Variants in SUPT3H observed in about 807,000 individuals in gnomAD.
SUPT3H encodes transcription initiation protein SPT3 homolog.
A neutral mutation model predicts 44.3 loss-of-function variants in SUPT3H; 44 were observed. The ratio of observed to expected loss-of-function variants is 0.99; its 90% CI spans 0.78 to 1.28. The LOEUF (loss-of-function observed/expected upper bound fraction) is 1.28, where lower values mean the gene tolerates loss of function less well. Ranked by LOEUF, SUPT3H falls within the 50% of genes most tolerant of loss-of-function variation. SUPT3H has a pLI of 0.00. For missense variants in SUPT3H, 380 were observed against 387.1 expected (o/e 0.98, Z 0.15); for synonymous variants, 124 against 125.6 (o/e 0.99, Z 0.09).
chr6:45,010,097 A>C (rs920860923), intron 5 of SUPT3H, among the ~76,000 whole-genome samples: 1 of 152,002 alleles, frequency 6.6e-6, no homozygotes, highest in Non-Finnish European at 1.5e-5. Context: ...TTTTGATGCT[A>C]TTGTAAATGG....
chr6:45,170,148 A>C (rs1397683146), intron 2 of SUPT3H, among the ~76,000 whole-genome samples: 1 of 152,204 alleles, frequency 6.6e-6, no homozygotes, highest in Admixed American at 6.5e-5. Flanking sequence ...AGGTAAGAAA[A>C]TTTACCTCTT....
At chr6:45,102,784 T>C (rs979784616) in intron 3 of SUPT3H, among the ~76,000 whole-genome samples, 1 of 151,698 alleles carries the variant, frequency 6.6e-6, no homozygotes, top group African/African-American at 2.4e-5. Flanking sequence ...CTCCTAAAAA[T>C]ACAAAAAATT....
intron 2 of SUPT3H, among the ~76,000 whole-genome samples, chr6:45,169,204 T>C (rs1425884168): frequency 6.6e-6 from 1 of 152,206 alleles, no homozygotes; most frequent in African/African-American, 2.4e-5. Flanking sequence ...CCAAAATTAG[T>C]GGTATAATTT....
intron 10 of SUPT3H, among the ~76,000 whole-genome samples, chr6:44,903,723 C>A (rs564500055): frequency 1.1e-4 from 16 of 152,002 alleles, no homozygotes; most frequent in South Asian, 2.1e-4. Context: ...GCAGAGACAC[C>A]ACCAAAAAAG....
intron 10 of SUPT3H, among the ~76,000 whole-genome samples, chr6:44,925,686 T>G (rs1158900742): frequency 6.6e-6 from 1 of 152,152 alleles, no homozygotes; most frequent in Non-Finnish European, 1.5e-5. Flanking sequence ...ATAAAACATG[T>G]CTGACCACCT....
At chr6:45,115,565 A>T (rs562415676) in intron 2 of SUPT3H, among the ~76,000 whole-genome samples, 1 of 152,252 alleles carries the variant, frequency 6.6e-6, no homozygotes, top group South Asian at 2.1e-4. Flanking sequence ...ATAGCATTGA[A>T]AAAAAATTAG....
In SUPT3H at chr6:44,894,344, T is replaced by C. The variant is rs911125847; in HGVS notation, c.912+38309A>G. 6.6e-5 allele frequency among the ~76,000 whole-genome samples: 10 copies of C among 152,284 alleles called. 1 individual carries two copies. In the South Asian group the frequency reaches 2.1e-3, roughly 32 times the overall value. ...ATGCCTAGGTTTTCTTCTAGGGTTT[T>C]TATGGTTTTAGGTCTCACGTTTAAG... On this transcript the variant is annotated intron_variant, in intron 10 of 10. Transcript: ENST00000371459.
intron 2 of SUPT3H, among the ~76,000 whole-genome samples, chr6:45,240,605 T>C (rs1351798318): frequency 6.6e-6 from 1 of 152,210 alleles, no homozygotes; most frequent in African/African-American, 2.4e-5. Context: ...GCAGAGGTGC[T>C]GCGCAGCGAT....
chr6:44,837,640 C>T (rs3799968), intron 10 of SUPT3H, among the ~76,000 whole-genome samples: 63,143 of 152,064 alleles, frequency 0.42, 13,456 homozygotes, highest in East Asian at 0.68. Context: ...TGGGCTTCTT[C>T]TTACTGATTA....
At chr6:45,355,883 G>T (rs1793068562) in intron 2 of SUPT3H, among the ~76,000 whole-genome samples, 1 of 152,074 alleles carries the variant, frequency 6.6e-6, no homozygotes, top group Non-Finnish European at 1.5e-5. Flanking sequence ...TTAATTGATT[G>T]CCAGGCCAAC....
chr6:45,011,762 T>C (rs1015243736), intron 5 of SUPT3H, among the ~76,000 whole-genome samples: 1 of 152,054 alleles, frequency 6.6e-6, no homozygotes, highest in Non-Finnish European at 1.5e-5. Context: ...ACAACTATAC[T>C]TTCTCTTATA....
chr6:45,331,097 A>G (rs554793256), intron 2 of SUPT3H, among the ~76,000 whole-genome samples: 7 of 143,214 alleles, frequency 4.9e-5, no homozygotes, highest in Non-Finnish European at 9.2e-5. Flanking sequence ...CCTCAAATAC[A>G]ATGAGTGGTG....
chr6:45,316,000 A>G (rs960612458), intron 2 of SUPT3H, among the ~76,000 whole-genome samples: 1 of 152,148 alleles, frequency 6.6e-6, no homozygotes, highest in African/African-American at 2.4e-5. Flanking sequence ...AACCATACAA[A>G]GGAATGAATT....
intron 2 of SUPT3H, among the ~76,000 whole-genome samples, chr6:45,285,994 G>T (rs1427462818): frequency 7.3e-6 from 1 of 136,526 alleles, no homozygotes; most frequent in African/African-American, 2.9e-5. Flanking sequence ...AAGAAATGGG[G>T]AAAGGATTCC....
intron 2 of SUPT3H, among the ~76,000 whole-genome samples, chr6:45,364,738 G>C (rs1794844454): frequency 6.6e-6 from 1 of 152,114 alleles, no homozygotes. Context: ...CTGAAACACA[G>C]TGATTTCAAA....
At chr6:44,844,354 G>A (rs1449380704) in intron 10 of SUPT3H, among the ~76,000 whole-genome samples, 2 of 152,054 alleles carry the variant, frequency 1.3e-5, no homozygotes, top group Admixed American at 1.3e-4. Flanking sequence ...ATACTTATCT[G>A]TAAAAAAAAG....
chr6:45,175,675 C>T (rs576204279), intron 2 of SUPT3H, among the ~76,000 whole-genome samples: 7 of 151,834 alleles, frequency 4.6e-5, no homozygotes, highest in East Asian at 3.9e-4. Context: ...GAATACGATA[C>T]CATGGTGCTA....
chr6:45,271,172 T>C (rs1776080511), intron 2 of SUPT3H, among the ~76,000 whole-genome samples: 1 of 152,156 alleles, frequency 6.6e-6, no homozygotes, highest in Non-Finnish European at 1.5e-5. Context: ...GAAAATCCCA[T>C]TTTCTGGGGA....
At chr6:45,316,822 T>C (rs900141487) in intron 2 of SUPT3H, among the ~76,000 whole-genome samples, 2 of 152,040 alleles carry the variant, frequency 1.3e-5, no homozygotes. Context: ...AAGAATATTG[T>C]TAAAACCAGG....
Sources: allele counts gnomAD v4.1 joint callset (sites outside exome capture counted in the v4.1 genomes callset), GRCh38; gene constraint gnomAD v4.1.1; transcripts MANE v1.5; gene names NCBI Gene and HGNC (gene_info 2026-07-23, HGNC 2026-07-21).